PRICKLE2: variants seen among roughly 807,000 people sequenced by gnomAD.
PRICKLE2 encodes the protein prickle-like protein 2.
A neutral mutation model predicts 81.4 loss-of-function variants in PRICKLE2; 21 were observed. The observed-to-expected ratio is 0.26, with a 90% CI of 0.18 to 0.37. PRICKLE2 has a LOEUF of 0.37. Ranked by LOEUF, PRICKLE2 falls within the 10% of genes least tolerant of loss-of-function variation. The probability of loss-of-function intolerance (pLI) is 1.00; values close to 1 mark genes in which losing one functional copy is unlikely to be tolerated. For missense variants in PRICKLE2, 940 were observed against 1,109.0 expected (o/e 0.85, Z 2.16); for synonymous variants, 456 against 421.5 (o/e 1.08, Z -1.00).
intron 5 of PRICKLE2, chr3:64,153,761 G>T (rs1575596525): frequency 8.3e-6 from 2 of 239,740 alleles, no homozygotes; most frequent in Non-Finnish European, 1.7e-5. Flanking sequence ...TTGTAATCCT[G>T]GTTTATCTTT....
chr3:64,164,404 C>G (rs192838196), intron 2 of PRICKLE2, among the ~76,000 whole-genome samples: 5 of 152,236 alleles, frequency 3.3e-5, no homozygotes, highest in Admixed American at 3.3e-4. Context: ...TAAACTTGGT[C>G]TAATTCCTTT....
chr3:64,128,979 C>T (rs1321829500), intron 7 of PRICKLE2, among the ~76,000 whole-genome samples: 1 of 151,892 alleles, frequency 6.6e-6, no homozygotes, highest in Non-Finnish European at 1.5e-5. Context: ...GATGTGGAGG[C>T]TGTCCTGTGC....
intron 7 of PRICKLE2, among the ~76,000 whole-genome samples, chr3:64,144,937 A>T (rs931393621): frequency 2.0e-5 from 3 of 152,158 alleles, no homozygotes; most frequent in Admixed American, 2.0e-4. Flanking sequence ...GGTGTTAAGT[A>T]CTAATCTCAC....
chr3:64,241,994 G>A (rs2079272729), intron 2 of PRICKLE2, among the ~76,000 whole-genome samples: 1 of 152,162 alleles, frequency 6.6e-6, no homozygotes, highest in Non-Finnish European at 1.5e-5. Flanking sequence ...GAGAGATCGT[G>A]GAGGAGAAAT....
At chr3:64,256,190 G>A (rs992483823) in intron 2 of PRICKLE2, among the ~76,000 whole-genome samples, 1 of 152,102 alleles carries the variant, frequency 6.6e-6, no homozygotes, top group African/African-American at 2.4e-5. Flanking sequence ...TGACCTTCAA[G>A]CCAAGTCCAG....
At chr3:64,216,047 ACT>A (rs1321664473) in intron 1 of PRICKLE2, among the ~76,000 whole-genome samples, 2 of 152,162 alleles carry the variant, frequency 1.3e-5, no homozygotes, top group Non-Finnish European at 2.9e-5. Context: ...AAATCAGGTA[ACT>A]CTCTCCTTCT....
chr3:64,113,744 C>T (rs1402481088), intron 7 of PRICKLE2, among the ~76,000 whole-genome samples: 4 of 152,246 alleles, frequency 2.6e-5, no homozygotes, highest in Admixed American at 1.3e-4. Context: ...TATACTAATA[C>T]TGCACAGAGA....
At chr3:64,149,074 C>T (rs548695363) in intron 6 of PRICKLE2, among the ~76,000 whole-genome samples, 8 of 152,202 alleles carry the variant, frequency 5.3e-5, no homozygotes, top group South Asian at 2.1e-4. Flanking sequence ...GGAAGAGGTA[C>T]GATTCCTCCC....
intron 2 of PRICKLE2, among the ~76,000 whole-genome samples, chr3:64,184,617 G>A (rs915445320): frequency 3.0e-4 from 45 of 151,232 alleles, no homozygotes; most frequent in Admixed American, 2.1e-3. Context: ...GGGGCTACAG[G>A]CCCACACCAA....
intron 1 of PRICKLE2, among the ~76,000 whole-genome samples, chr3:64,223,173 TATA>T (rs2078982436): frequency 1.3e-5 from 2 of 152,314 alleles, no homozygotes; most frequent in South Asian, 4.1e-4. Flanking sequence ...CAACAACACT[TATA>T]ATGATAATGA....
chr3:64,158,139 G>C (rs2077668794), intron 4 of PRICKLE2, among the ~76,000 whole-genome samples: 1 of 152,254 alleles, frequency 6.6e-6, no homozygotes, highest in Non-Finnish European at 1.5e-5. Context: ...AGTAGGTCTA[G>C]GGAGATGCTT....
At chr3:64,133,780 C>G (rs947966013) in intron 7 of PRICKLE2, among the ~76,000 whole-genome samples, 3 of 152,166 alleles carry the variant, frequency 2.0e-5, no homozygotes, top group African/African-American at 7.2e-5. Context: ...GCTCATCTTT[C>G]TGGCTGCAAG....
rs2076563856 is a variant in PRICKLE2, at chr3:64,095,758, G to A, written c.*3293C>T. ...TTGCTCATTTGCTCGACTGGTTGGG[G>A]GTAGAAAGGAAGGAATAAAAAATAA... On this transcript the variant is annotated 3_prime_UTR_variant, in exon 8 of 8. Transcript: ENST00000638394. 1 of 152,100 alleles carries A rather than the reference G, an allele frequency of 6.6e-6. No homozygotes were observed. The highest frequency in any genetic ancestry group is 2.4e-5 in the African/African-American group (1 of 41,402). The allele number at this position is 152,100 out of a possible 1,614,324, so 9.4% of individuals were successfully genotyped here.
upstream of PRICKLE2, chr3:64,225,529 G>A (rs886237821): frequency 2.5e-5 from 20 of 802,164 alleles, no homozygotes; most frequent in African/African-American, 2.2e-4. Flanking sequence ...GCATCTGGAC[G>A]TCCCATCCTG....
intron 6 of PRICKLE2, among the ~76,000 whole-genome samples, chr3:64,152,882 C>T (rs1005835004): frequency 6.6e-6 from 1 of 152,184 alleles, no homozygotes; most frequent in African/African-American, 2.4e-5. Context: ...ACTAGTATCA[C>T]TAGTGAGTCA....
intron 3 of PRICKLE2, among the ~76,000 whole-genome samples, chr3:64,160,827 C>A (rs1327096655): frequency 6.6e-6 from 1 of 152,208 alleles, no homozygotes; most frequent in African/African-American, 2.4e-5. Flanking sequence ...GTGCTATATT[C>A]TTGCACTGTT....
At chr3:64,264,763 GA>G (rs2079672442) in intron 2 of PRICKLE2, among the ~76,000 whole-genome samples, 1 of 152,170 alleles carries the variant, frequency 6.6e-6, no homozygotes, top group South Asian at 2.1e-4. Context: ...CTGTTTTAAA[GA>G]AAAAGTAGTA....
chr3:64,255,112 C>T (rs1229084088), intron 2 of PRICKLE2, among the ~76,000 whole-genome samples: 1 of 152,180 alleles, frequency 6.6e-6, no homozygotes, highest in Non-Finnish European at 1.5e-5. Flanking sequence ...CCATGTTGGC[C>T]AAATTCCAAG....
intron 2 of PRICKLE2, among the ~76,000 whole-genome samples, chr3:64,180,908 G>C (rs921853934): frequency 2.7e-4 from 41 of 152,134 alleles, no homozygotes; most frequent in Non-Finnish European, 5.3e-4. Flanking sequence ...AAAATCAATG[G>C]GGAGAAAATG....
Sources: allele counts gnomAD v4.1 joint callset (sites outside exome capture counted in the v4.1 genomes callset), GRCh38; gene constraint gnomAD v4.1.1; transcripts MANE v1.5; gene names NCBI Gene and HGNC (gene_info 2026-07-23, HGNC 2026-07-21).